The following AFAP1L1 variants were observed in gnomAD, a reference collection of about 807,000 sequenced individuals.
AFAP1L1 encodes actin filament associated protein 1 like 1, also known as actin filament-associated protein 1-like 1.
AFAP1L1 carries 77 observed loss-of-function variants against 99.8 expected under a neutral mutation model. That is an observed-to-expected ratio of 0.77 (90% CI 0.64 to 0.93). AFAP1L1 has a LOEUF of 0.93. AFAP1L1 is among the 40% of genes least tolerant of loss of function. The pLI is 0.00. For synonymous variants in AFAP1L1, 373 were observed against 395.3 expected (o/e 0.94, Z 0.67); for missense variants, 893 against 996.8 (o/e 0.90, Z 1.40).
chr5:149,299,252 A>C (rs1756109941), intron 1 of AFAP1L1, among the ~76,000 whole-genome samples: 1 of 152,142 alleles, frequency 6.6e-6, no homozygotes, highest in Admixed American at 6.5e-5. Flanking sequence ...GAGCCCAGGG[A>C]GGTCCAGTCC....
Position 149,302,460 on chromosome 5 carries a change from G to A in AFAP1L1, c.370G>A (p.Glu124Lys), listed in dbSNP as rs780988620. The change falls in exon 5 of 19, where the codon GAG becomes AAG. Residue 124 changes from glutamate (E) to lysine (K), a missense_variant. Physicochemically the swap from Glu to Lys is moderately conservative, Grantham distance 56. Transcript: ENST00000296721. Reference sequence around the variant, plus strand: ...ACCGCTCCCCAACAAGCCTCCCCCTGAGGACTACTATGAAGAGGCCCTTCC... The same window carrying A: ...ACCGCTCCCCAACAAGCCTCCCCCTAAGGACTACTATGAAGAGGCCCTTCC... ...PPPLPNKPPP[E>K]DYYEEALPLG... The A allele has an allele frequency of 1.9e-6, 3 of 1,597,014 alleles. No individual in the cohort carries two copies. The highest frequency in any genetic ancestry group is 3.5e-5 in the Admixed American group (2 of 57,632).
intron 1 of AFAP1L1, among the ~76,000 whole-genome samples, chr5:149,283,281 G>T (rs13360083): frequency 1.2e-4 from 18 of 152,308 alleles, no homozygotes; most frequent in African/African-American, 4.3e-4. Context: ...CCTCAGGGCT[G>T]CCATTAGTGC....
chr5:149,281,523 G>C (rs1448571354), intron 1 of AFAP1L1, among the ~76,000 whole-genome samples: 1 of 152,156 alleles, frequency 6.6e-6, no homozygotes, highest in Non-Finnish European at 1.5e-5. Context: ...TGAGTCCTGA[G>C]GCCTAGGAGT....
intron 1 of AFAP1L1, among the ~76,000 whole-genome samples, chr5:149,293,237 G>A (rs1755914312): frequency 6.6e-6 from 1 of 152,208 alleles, no homozygotes; most frequent in Non-Finnish European, 1.5e-5. Flanking sequence ...AGCAGCTACT[G>A]TGATCACCCC....
chr5:149,285,496 T>G (rs1755650288), intron 1 of AFAP1L1, among the ~76,000 whole-genome samples: 1 of 152,172 alleles, frequency 6.6e-6, no homozygotes, highest in Non-Finnish European at 1.5e-5. Context: ...GGTGAAATGA[T>G]GAAACCTGCC....
chr5:149,275,421 T>G (rs2127586992), intron 1 of AFAP1L1, among the ~76,000 whole-genome samples: 1 of 152,268 alleles, frequency 6.6e-6, no homozygotes, highest in South Asian at 2.1e-4. Context: ...TCTCTGTGCA[T>G]CCAGAGAAAG....
chr5:149,311,180 G>T (rs1756618777), intron 8 of AFAP1L1, among the ~76,000 whole-genome samples: 1 of 152,004 alleles, frequency 6.6e-6, no homozygotes, highest in Non-Finnish European at 1.5e-5. Flanking sequence ...TCTCTACCCA[G>T]CCCCTTCCTT....
chr5:149,320,124 T>C lies in AFAP1L1; in HGVS notation c.1626-267T>C, dbSNP rs962357275. On this transcript the variant is annotated intron_variant, in intron 13 of 18. Coordinates refer to ENST00000296721, the MANE Select transcript of AFAP1L1 (RefSeq NM_152406.4). This position sits in a 1 kb window ranked among gnomAD's most constrained non-coding sequence, Gnocchi z 4.0. Reference sequence around the variant, plus strand: ...AGCAGTGGAAGCTTGCACTGGTTGCTTGCCATCTCGGATCTCTGTTTTCTG... The same window carrying C: ...AGCAGTGGAAGCTTGCACTGGTTGCCTGCCATCTCGGATCTCTGTTTTCTG... 6.6e-6 allele frequency among the ~76,000 whole-genome samples: 1 copy of C among 152,238 alleles called. No homozygotes were observed. Among genetic ancestry groups the C allele is most frequent in the Non-Finnish European group, 1.5e-5 (1 of 68,038 alleles).
Position 149,329,777 on chromosome 5 carries a change from T to C in AFAP1L1, c.1922T>C (p.Ile641Thr), listed in dbSNP as rs566787267. The C allele has an allele frequency of 5.0e-6, 8 of 1,613,736 alleles. No individual in the cohort carries two copies. Among genetic ancestry groups the C allele is most frequent in the South Asian group, 4.4e-5 (4 of 90,946 alleles). The change falls in exon 16 of 19, where the codon ATA becomes ACA. Residue 641 changes from isoleucine (I) to threonine (T), a missense_variant. Transcript: ENST00000296721. ...KEKETIRTEL[I>T]ALRQEKRELK... ...AAAGAGACGATTCGGACAGAGCTGATAGCACTGAGACAGGAGAAGAGGGAA... is the reference window on the plus strand; with the variant it reads ...AAAGAGACGATTCGGACAGAGCTGACAGCACTGAGACAGGAGAAGAGGGAA...
intron 18 of AFAP1L1, among the ~76,000 whole-genome samples, chr5:149,339,481 G>T (rs1659087): frequency 0.55 from 83,560 of 151,994 alleles, 23,614 homozygotes; most frequent in African/African-American, 0.67. Context: ...CATGAGCCAC[G>T]GCACCTAGCC....
chr5:149,322,574 G>A (rs370837895), intron 14 of AFAP1L1, 32 bp from the exon 15 acceptor site: 18 of 1,525,570 alleles, frequency 1.2e-5, no homozygotes, highest in Non-Finnish European at 1.6e-5. Flanking sequence ...GCGCCTGCCT[G>A]AACTTGACTG....
chr5:149,324,096 A>G (rs1182647864), intron 15 of AFAP1L1, among the ~76,000 whole-genome samples: 1 of 152,272 alleles, frequency 6.6e-6, no homozygotes. Context: ...GTGGGAAACC[A>G]CAGTGGAAAA....
At chr5:149,283,504 T>G (rs997912229) in intron 1 of AFAP1L1, among the ~76,000 whole-genome samples, 4 of 152,178 alleles carry the variant, frequency 2.6e-5, no homozygotes, top group Non-Finnish European at 4.4e-5. Flanking sequence ...TACAAAGATT[T>G]TTTTAAAAAA....
intron 1 of AFAP1L1, among the ~76,000 whole-genome samples, chr5:149,279,277 A>G (rs904040688): frequency 2.6e-5 from 4 of 152,242 alleles, no homozygotes; most frequent in African/African-American, 4.8e-5. Flanking sequence ...CATACAAATG[A>G]AAAGAACTGT....
intron 1 of AFAP1L1, among the ~76,000 whole-genome samples, chr5:149,275,688 A>G (rs1755296554): frequency 6.6e-6 from 1 of 151,410 alleles, no homozygotes; most frequent in Non-Finnish European, 1.5e-5. Context: ...TTGTATTTTT[A>G]GTAGAGATGA....
intron 1 of AFAP1L1, among the ~76,000 whole-genome samples, chr5:149,294,787 G>C (rs1258934482): frequency 1.4e-5 from 2 of 139,256 alleles, no homozygotes; most frequent in Non-Finnish European, 3.1e-5. Context: ...GGCTGTGAGA[G>C]GAAGCCCAGT....
chr5:149,278,459 G>T (rs1373986072), intron 1 of AFAP1L1, among the ~76,000 whole-genome samples: 1 of 152,076 alleles, frequency 6.6e-6, no homozygotes, highest in Non-Finnish European at 1.5e-5. Flanking sequence ...CCTTTCTGAT[G>T]TATTCTCCTA....
chr5:149,299,832 G>A (rs1413574053), intron 2 of AFAP1L1, among the ~76,000 whole-genome samples, 195 bp downstream of exon 2: 1 of 151,452 alleles, frequency 6.6e-6, no homozygotes, highest in African/African-American at 2.4e-5. Flanking sequence ...CTTGTCCACT[G>A]GGGCCCCACC....
chr5:149,296,453 A>G (rs1377024645), intron 1 of AFAP1L1, among the ~76,000 whole-genome samples: 2 of 152,236 alleles, frequency 1.3e-5, no homozygotes, highest in Non-Finnish European at 2.9e-5. Flanking sequence ...GCAGAGAGGT[A>G]TCATGTGCTT....
Sources: gnomAD v4.1 joint callset for allele counts (sites outside exome capture counted in the v4.1 genomes callset) on GRCh38, gnomAD v4.1.1 for gene constraint, Gnocchi (gnomAD v3.1) non-coding constraint, MANE v1.5 for transcripts, NCBI Gene and HGNC (gene_info 2026-07-23, HGNC 2026-07-21) for gene names.